PTPRK: variants seen among roughly 807,000 people sequenced by gnomAD.
The protein encoded by PTPRK is protein tyrosine phosphatase receptor type K, also known as receptor-type tyrosine-protein phosphatase kappa.
A neutral mutation model predicts 178.0 loss-of-function variants in PTPRK; 75 were observed. The observed-to-expected ratio is 0.42, with a 90% CI of 0.35 to 0.51. The LOEUF (loss-of-function observed/expected upper bound fraction) is 0.51. Ranked by LOEUF, PTPRK falls within the 20% of genes least tolerant of loss-of-function variation. The pLI, the probability that PTPRK is intolerant of heterozygous loss-of-function variation, is 0.02. For synonymous variants in PTPRK, 637 were observed against 620.6 expected, an observed-to-expected ratio of 1.03 and a Z score of -0.39; for missense variants, 1,441 against 1,797.8, an observed-to-expected ratio of 0.80 and a Z score of 3.59.
At chr6:128,167,099 C>T in intron 7 of PTPRK, among the ~76,000 whole-genome samples, 1 of 151,614 alleles carries the variant, frequency 6.6e-6, no homozygotes, top group East Asian at 1.9e-4. Context: ...TTACTTGAAA[C>T]ACAGCCTGTG....
chr6:128,341,583 T>C (rs928109348), intron 2 of PTPRK, among the ~76,000 whole-genome samples: 8 of 152,246 alleles, frequency 5.3e-5, no homozygotes, highest in African/African-American at 1.9e-4. Flanking sequence ...TTCAAGATAT[T>C]TACCCCCTTG....
chr6:128,432,122 T>C (rs2128394501), intron 1 of PTPRK, among the ~76,000 whole-genome samples: 1 of 152,342 alleles, frequency 6.6e-6, no homozygotes, highest in South Asian at 2.1e-4. Context: ...CACCAACTAC[T>C]ATTTTCAAAG....
At chr6:128,228,351 G>GT (rs1210074560) in intron 5 of PTPRK, among the ~76,000 whole-genome samples, 1 of 151,808 alleles carries the variant, frequency 6.6e-6, no homozygotes, top group Non-Finnish European at 1.5e-5. Flanking sequence ...ACAAATCATA[G>GT]TTTTTTAAAA....
chr6:128,513,633 C>CT (rs35649013), intron 1 of PTPRK, among the ~76,000 whole-genome samples: 2 of 152,136 alleles, frequency 1.3e-5, no homozygotes, highest in African/African-American at 2.4e-5. Context: ...ATGTGACAAT[C>CT]TTTTTAAACT....
intron 3 of PTPRK, among the ~76,000 whole-genome samples, chr6:128,257,203 C>A (rs1478327082): frequency 6.6e-6 from 1 of 150,532 alleles, no homozygotes; most frequent in Admixed American, 6.6e-5. Flanking sequence ...GCACTCCAGC[C>A]TGGGAGACAG....
intron 1 of PTPRK, among the ~76,000 whole-genome samples, chr6:128,473,404 ATTTTTTT>A (rs67418131): frequency 0.018 from 1,674 of 90,958 alleles, 20 homozygotes; most frequent in African/African-American, 0.033. Flanking sequence ...TATGGTTACT[ATTTTTTT>A]TTTTTTTTTT....
intron 10 of PTPRK, among the ~76,000 whole-genome samples, chr6:128,079,597 G>T (rs1384769719): frequency 6.6e-6 from 1 of 152,020 alleles, no homozygotes; most frequent in Non-Finnish European, 1.5e-5. Context: ...AGCTTTGGAT[G>T]ACTTTCATGT....
chr6:128,304,320 G>A (rs1418155958), intron 3 of PTPRK, among the ~76,000 whole-genome samples: 1 of 152,094 alleles, frequency 6.6e-6, no homozygotes, highest in Non-Finnish European at 1.5e-5. Flanking sequence ...ACATCAGGGA[G>A]GCCCAACTTT....
At chr6:128,131,095 G>T (rs1471427560) in intron 7 of PTPRK, among the ~76,000 whole-genome samples, 1 of 152,190 alleles carries the variant, frequency 6.6e-6, no homozygotes, top group Non-Finnish European at 1.5e-5. Flanking sequence ...ATTGAAAGGG[G>T]TGTGGTACAT....
At chr6:128,362,421 T>C (rs1200097205) in intron 2 of PTPRK, among the ~76,000 whole-genome samples, 2 of 152,256 alleles carry the variant, frequency 1.3e-5, no homozygotes, top group Admixed American at 6.5e-5. Flanking sequence ...GGGATATATA[T>C]CCAAATTACA....
At chr6:128,469,254 T>C (rs9491959) in intron 1 of PTPRK, among the ~76,000 whole-genome samples, 1 of 152,074 alleles carries the variant, frequency 6.6e-6, no homozygotes, top group Non-Finnish European at 1.5e-5. Flanking sequence ...TACTTAGCTG[T>C]AGATGTATGC....
Position 128,391,213 on chromosome 6 carries a change from G to A in PTPRK, c.223+6353C>T, listed in dbSNP as rs546684862. ...AGCTTTAAACATCTGAAGTTTTCAC[G>A]CTCCTTAGAATCTAACACCTATATC... On this transcript the variant is annotated intron_variant, in intron 2 of 29. Transcript: ENST00000368226. Among the ~76,000 whole-genome samples the A allele has an allele frequency of 1.1e-4, 17 of 151,826 alleles. No individual in the cohort carries two copies. The South Asian group carries it at 2.3e-3, about 20-fold the overall frequency.
intron 13 of PTPRK, among the ~76,000 whole-genome samples, chr6:128,044,558 A>T (rs536061445): frequency 6.6e-6 from 1 of 152,074 alleles, no homozygotes; most frequent in South Asian, 2.1e-4. Flanking sequence ...CTATTCCTTG[A>T]ATATCTAAAG....
At chr6:128,189,703 T>G (rs1364988061) in intron 6 of PTPRK, among the ~76,000 whole-genome samples, 2 of 152,180 alleles carry the variant, frequency 1.3e-5, no homozygotes, top group African/African-American at 2.4e-5. Context: ...AATGAAAGAA[T>G]CACTTTGAAG....
chr6:128,254,516 CT>C (rs1296438096), intron 3 of PTPRK, among the ~76,000 whole-genome samples: 5 of 152,058 alleles, frequency 3.3e-5, no homozygotes, highest in Non-Finnish European at 5.9e-5. Context: ...TTTGTCTTGA[CT>C]TTTTTCTTAA....
At chr6:128,190,383 A>G (rs1803554918) in intron 6 of PTPRK, among the ~76,000 whole-genome samples, 1 of 152,028 alleles carries the variant, frequency 6.6e-6, no homozygotes, top group Admixed American at 6.6e-5. Flanking sequence ...TTTTTAATCT[A>G]AATTACTATT....
At chr6:128,064,644 A>C (rs1380142091) in intron 13 of PTPRK, 114 bp downstream of exon 13, 1 of 1,356,886 alleles carries the variant, frequency 7.4e-7, no homozygotes, top group Non-Finnish European at 9.7e-7. Flanking sequence ...CATGAGTCAC[A>C]GAACTAACTA....
At chr6:128,105,068 CTT>C (rs1468088495) in intron 7 of PTPRK, among the ~76,000 whole-genome samples, 1 of 150,604 alleles carries the variant, frequency 6.6e-6, no homozygotes, top group Non-Finnish European at 1.5e-5. Context: ...AAATACTTCT[CTT>C]GTTTTCTCAA....
At chr6:128,346,477 T>C (rs919540165) in intron 2 of PTPRK, among the ~76,000 whole-genome samples, 5 of 152,064 alleles carry the variant, frequency 3.3e-5, no homozygotes, top group African/African-American at 1.2e-4. Flanking sequence ...TTACTAATAG[T>C]CTGATATAAA....
Sources: allele counts gnomAD v4.1 joint callset (sites outside exome capture counted in the v4.1 genomes callset), GRCh38; gene constraint gnomAD v4.1.1; transcripts MANE v1.5; gene names NCBI Gene and HGNC (gene_info 2026-07-23, HGNC 2026-07-21).